The following EXOC3L4 variants were observed in gnomAD, a reference collection of about 807,000 sequenced individuals.
The protein encoded by EXOC3L4 is exocyst complex component 3 like 4, also known as exocyst complex component 3-like protein 4.
In EXOC3L4, 62 loss-of-function variants were observed where a neutral mutation model predicts 69.7. That is an observed-to-expected ratio of 0.89 (90% CI 0.72 to 1.10). The LOEUF (loss-of-function observed/expected upper bound fraction) is 1.10, where lower values mean the gene tolerates loss of function less well. Among genes scored for constraint, EXOC3L4 ranks in the 50% least tolerant of loss-of-function variants. The probability of loss-of-function intolerance (pLI) is 0.00; values close to 1 mark genes in which losing one functional copy is unlikely to be tolerated. For missense variants in EXOC3L4, 1,087 were observed against 1,034.8 expected (o/e 1.05, Z -0.69); for synonymous variants, 502 against 464.2 (o/e 1.08, Z -1.05).
In EXOC3L4 at chr14:103,110,486, G is replaced by T. The variant is rs1017252779; in HGVS notation, c.*263G>T. 4.9e-6 allele frequency: 3 copies of T among 610,304 alleles called. No homozygotes were observed. The highest frequency in any genetic ancestry group is 8.9e-6 in the Non-Finnish European group (3 of 335,424). The allele number at this position is 610,304 out of a possible 1,614,324, so 37.8% of individuals were successfully genotyped here. A position where few individuals can be genotyped will look rare whatever the true frequency, so the allele number is the denominator to read the frequency against. ...TCGGGCGGGGGGGGGCCTCCCGCCCGACTGTCCAGCTTCACCCTCCAGTCT... is the reference window on the plus strand; with the variant it reads ...TCGGGCGGGGGGGGGCCTCCCGCCCTACTGTCCAGCTTCACCCTCCAGTCT... On this transcript the variant is annotated 3_prime_UTR_variant, in exon 12 of 12. Transcript: ENST00000688303.
At chr14:103,096,793 C>T (rs565859176) in intron 1 of EXOC3L4, among the ~76,000 whole-genome samples, 211 of 152,278 alleles carry the variant, frequency 1.4e-3, no homozygotes, top group African/African-American at 4.7e-3. Context: ...CAACGACCGT[C>T]TAAGTGCTAG....
rs1566949834 is a variant in EXOC3L4 at position 103,104,060 on chromosome 14, C to T, written c.1161+8C>T. 3 of 1,552,592 alleles carry T rather than the reference C, an allele frequency of 1.9e-6. No individual in the cohort carries two copies. Among genetic ancestry groups the T allele is most frequent in the African/African-American group, 1.4e-5 (1 of 73,158 alleles). On this transcript the variant is annotated splice_region_variant and intron_variant, in intron 4 of 11. Transcript: ENST00000688303. ...TACACCAGCTTCCTGGAGGTCAGGC[C>T]GGGCGGGTCAGGCTGGGCGGGCCAG...
intron 10 of EXOC3L4, 149 bp downstream of exon 10, chr14:103,107,932 T>TG: frequency 2.8e-6 from 3 of 1,068,746 alleles, no homozygotes; most frequent in East Asian, 3.7e-5. Flanking sequence ...CCTGTGGGGC[T>TG]GGGGGGTGGA....
At chr14:103,103,609 C>T (rs960215441) in intron 3 of EXOC3L4, 1 of 290,468 alleles carries the variant, frequency 3.4e-6, no homozygotes, top group Non-Finnish European at 6.4e-6. Flanking sequence ...TGGGGTCAGA[C>T]CCGTGTCCGC....
chr14:103,098,391 A>T lies in EXOC3L4; in HGVS notation c.-16-1813A>T, dbSNP rs559843097. Among the ~76,000 whole-genome samples, 174 of 143,116 alleles carry T rather than the reference A, an allele frequency of 1.2e-3. 1 individual carries two copies. Among genetic ancestry groups the T allele is most frequent in the South Asian group, 3.0e-3 (13 of 4,340 alleles). The allele number at this position is 143,116 out of a possible 152,430, so 93.9% of individuals were successfully genotyped here. On this transcript the variant is annotated intron_variant, in intron 1 of 11. Coordinates refer to ENST00000688303, the MANE Select transcript of EXOC3L4 (RefSeq NM_001077594.2). Reference sequence around the variant, plus strand: ...GCTCCCAGCTCCAAGCAGGCTCCCCAGCCTGAGTGCGCGGCCAGGGGCAGA... The same window carrying T: ...GCTCCCAGCTCCAAGCAGGCTCCCCTGCCTGAGTGCGCGGCCAGGGGCAGA...
Position 103,110,265 on chromosome 14 carries a change from T to G in EXOC3L4, c.*42T>G, listed in dbSNP as rs929035351. The G allele has an allele frequency of 1.3e-6, 2 of 1,498,990 alleles. No individual in the cohort carries two copies. The highest frequency in any genetic ancestry group is 1.8e-6 in the Non-Finnish European group (2 of 1,125,566). The allele number at this position is 1,498,990 out of a possible 1,614,324, so 92.9% of individuals were successfully genotyped here. ...GGGGGGCCGGCCGCTGGCAGGGAGC[T>G]GTGGTCAGTGGGGGTCAGCCAGGAG... On this transcript the variant is annotated 3_prime_UTR_variant, in exon 12 of 12. Transcript: ENST00000688303.
At chr14:103,105,786 C>T (rs988533045) in intron 7 of EXOC3L4, among the ~76,000 whole-genome samples, 6 of 152,180 alleles carry the variant, frequency 3.9e-5, no homozygotes, top group African/African-American at 1.4e-4. Flanking sequence ...GATGCGGCAG[C>T]GCCAGAGGCA....
chr14:103,102,857 G>A, intron 3 of EXOC3L4, 85 bp downstream of exon 3: 2 of 1,241,354 alleles, frequency 1.6e-6, no homozygotes, highest in Non-Finnish European at 2.1e-6. Context: ...AGGAGCACCG[G>A]ACCTTTCTTC....
rs1035489668 is a variant in EXOC3L4 at position 103,108,617 on chromosome 14, C to T, written c.1976+100C>T. ...CAGCCCAGACCTGACTGCCCAGGGG[C>T]CTGAAGACCAGAGGCAGGAGGTAGG... On this transcript the variant is annotated intron_variant, in intron 11 of 11. Coordinates refer to ENST00000688303, the MANE Select transcript of EXOC3L4 (RefSeq NM_001077594.2). The T allele has an allele frequency of 6.0e-6, 9 of 1,494,968 alleles. No homozygotes were observed. The African/African-American group carries it at 1.1e-4, about 19-fold the overall frequency. The allele number at this position is 1,494,968 out of a possible 1,614,324, so 92.6% of individuals were successfully genotyped here. A position where few individuals can be genotyped will look rare whatever the true frequency, so the allele number is the denominator to read the frequency against.
Position 103,103,984 on chromosome 14 carries a change from C to T in EXOC3L4, c.1093C>T (p.Pro365Ser), listed in dbSNP as rs757229051. Residue 365 changes from proline (P) to serine (S), a missense_variant, in exon 4 of 12, where the codon CCG (proline) becomes TCG (serine). Pro to Ser is a moderately conservative substitution (Grantham distance 74, BLOSUM62 -1). Transcript: ENST00000688303. Reference sequence around the variant, plus strand: ...CCCGGGGCTGGCGCTGCCCGCCGAGCCGCTGCCTCCGCTCCTGGCGCCGGA... The same window carrying T: ...CCCGGGGCTGGCGCTGCCCGCCGAGTCGCTGCCTCCGCTCCTGGCGCCGGA... ...GAPGLALPAE[P>S]LPPLLAPDVW... 1.9e-6 allele frequency: 3 copies of T among 1,567,864 alleles called. No individual in the cohort carries two copies. The South Asian group carries it at 3.5e-5, about 18-fold the overall frequency.
chr14:103,109,841 T>TC (rs995636534), intron 11 of EXOC3L4, among the ~76,000 whole-genome samples, 190 bp from the exon 12 acceptor site: 11 of 149,534 alleles, frequency 7.4e-5, no homozygotes, highest in South Asian at 2.1e-4. Flanking sequence ...AGCTATGGTG[T>TC]CCCCCAGGCC....
chr14:103,105,260 G>T lies in EXOC3L4; in HGVS notation c.1466+188G>T, dbSNP rs560314796. Reference sequence around the variant, plus strand: ...GCGTGTGTGTGTAGCAGAGTTGGGGGGTGTGTGTGCGTGTGTGATGGAGCT... The same window carrying T: ...GCGTGTGTGTGTAGCAGAGTTGGGGTGTGTGTGTGCGTGTGTGATGGAGCT... On this transcript the variant is annotated intron_variant, in intron 7 of 11. Transcript: ENST00000688303. Among the ~76,000 whole-genome samples, 68 of 151,636 alleles carry T rather than the reference G, an allele frequency of 4.5e-4. No homozygotes were observed. In the East Asian group the frequency reaches 6.8e-3, roughly 15 times the overall value.
chr14:103,101,402 C>T (rs923348969), intron 2 of EXOC3L4, among the ~76,000 whole-genome samples: 1 of 152,150 alleles, frequency 6.6e-6, no homozygotes, highest in African/African-American at 2.4e-5. Flanking sequence ...GGGAGCCCCC[C>T]CATTGGGCAG....
chr14:103,105,129 G>T (rs1040655241), intron 7 of EXOC3L4, 57 bp downstream of exon 7: 1 of 1,550,092 alleles, frequency 6.5e-7, no homozygotes, highest in South Asian at 1.2e-5. Context: ...GCGCGCGAGC[G>T]CCGGGAACCT....
chr14:103,102,738 A>G lies in EXOC3L4; in HGVS notation c.1015A>G (p.Ile339Val). The G allele has an allele frequency of 1.4e-6, 2 of 1,421,900 alleles. No individual in the cohort carries two copies. Among genetic ancestry groups the G allele is most frequent in the South Asian group, 1.5e-5 (1 of 68,246 alleles). 88.1% of individuals were successfully genotyped at this position (1,421,900 alleles called of 1,614,324 possible). Residue 339 changes from isoleucine (I) to valine (V), a missense_variant, in exon 3 of 12, where the codon ATC (isoleucine) becomes GTC (valine). Physicochemically the swap from Ile to Val is conservative, Grantham distance 29. Transcript: ENST00000688303. ...CGCCCGCGGCTGCGAGCAGCTCTAT[A>G]TCCTGCTGGACTGGGCCGCCAACGT... ...RDARGCEQLY[I>V]LLDWAANVYG...
intron 7 of EXOC3L4, among the ~76,000 whole-genome samples, chr14:103,105,853 G>A (rs1221378106): frequency 1.3e-5 from 2 of 152,222 alleles, no homozygotes; most frequent in African/African-American, 4.8e-5. Flanking sequence ...AAATTTTAGT[G>A]TCCCGAAGTA....
intron 1 of EXOC3L4, among the ~76,000 whole-genome samples, chr14:103,099,505 C>T (rs1338537345): frequency 6.6e-6 from 1 of 152,164 alleles, no homozygotes; most frequent in African/African-American, 2.4e-5. Flanking sequence ...TGAGAACCCC[C>T]CCAGTCCCTG....
At chr14:103,109,040 C>T (rs571336714) in intron 11 of EXOC3L4, among the ~76,000 whole-genome samples, 1 of 151,956 alleles carries the variant, frequency 6.6e-6, no homozygotes, top group South Asian at 2.1e-4. Context: ...GCAGGCCTGT[C>T]TTCCAGGCTG....
rs562167575 is a variant in EXOC3L4 at position 103,110,279 on chromosome 14, G to T, written c.*56G>T. 4,879 of 1,496,078 alleles carry T rather than the reference G, an allele frequency of 3.3e-3. 26 individuals are homozygous for T. Among genetic ancestry groups the T allele is most frequent in the African/African-American group, 8.7e-3 (625 of 71,892 alleles). 92.7% of individuals were successfully genotyped at this position (1,496,078 alleles called of 1,614,324 possible). ...TGGCAGGGAGCTGTGGTCAGTGGGG[G>T]TCAGCCAGGAGCCCAGGGAGTCACT... On this transcript the variant is annotated 3_prime_UTR_variant, in exon 12 of 12. Transcript: ENST00000688303.
Sources: gnomAD v4.1 joint callset for allele counts (sites outside exome capture counted in the v4.1 genomes callset) on GRCh38, gnomAD v4.1.1 for gene constraint, MANE v1.5 for transcripts, NCBI Gene and HGNC (gene_info 2026-07-23, HGNC 2026-07-21) for gene names.